Variants in SLC7A4 observed in about 807,000 individuals in gnomAD.
SLC7A4 encodes the protein solute carrier family 7 member 4, also known as cationic amino acid transporter 4.
In SLC7A4, 30 loss-of-function variants were observed where a neutral mutation model predicts 37.8. The observed-to-expected ratio is 0.79, with a 90% CI of 0.59 to 1.08. The LOEUF (loss-of-function observed/expected upper bound fraction) is 1.08, where lower values mean the gene tolerates loss of function less well. Ranked by LOEUF, SLC7A4 falls within the 50% of genes least tolerant of loss-of-function variation. SLC7A4 has a pLI of 0.00. For synonymous variants in SLC7A4, 359 were observed against 376.5 expected, an observed-to-expected ratio of 0.95 and a Z score of 0.54; for missense variants, 839 against 843.2, an observed-to-expected ratio of 1.00 and a Z score of 0.06.
rs1236583082 is a variant in SLC7A4 at position 21,031,463 on chromosome 22, A to C, written c.350T>G (p.Leu117Arg). 1 of 1,603,836 alleles carries C rather than the reference A, an allele frequency of 6.2e-7. No homozygotes were observed. The highest frequency in any genetic ancestry group is 1.1e-5 in the South Asian group (1 of 89,328). The stretch of plus-strand genomic sequence containing the variant: ...TTCGAGGAGAACATTCCAGCCGATG[A>C]GGAAGGCCCACAGCTCGCCCATGGA... ...YVSMGELWAF[L>R]IGWNVLLEYI... The change falls in exon 2 of 5, where the codon CTC becomes CGC. Residue 117 changes from leucine to arginine, a missense_variant. Physicochemically the swap from Leu to Arg is moderately radical, Grantham distance 102 (BLOSUM62 -2). Transcript: ENST00000382932.
Position 21,031,296 on chromosome 22 carries a change from C to G in SLC7A4, c.517G>C (p.Ala173Pro). 6.2e-7 allele frequency: 1 copy of G among 1,609,914 alleles called. No homozygotes were observed. Among genetic ancestry groups the G allele is most frequent in the Non-Finnish European group, 8.5e-7 (1 of 1,178,066 alleles). Residue 173 changes from alanine (A) to proline (P), a missense_variant, in exon 2 of 5, where the codon GCT (alanine) becomes CCT (proline). Ala to Pro is a conservative substitution (Grantham distance 27). Transcript: ENST00000382932. The part of the protein sequence containing the change: ...PLLGHYPDFL[A>P]AGIILLASAF... ...GAGGCCAGGAGGATGATGCCAGCAG[C>G]CAGGAAGTCCGGGTAGTGGCCCAGG... is the stretch of plus-strand genomic sequence containing the variant.
chr22:21,029,590 T>C, intron 3 of SLC7A4, 121 bp downstream of exon 3: 2 of 1,171,222 alleles, frequency 1.7e-6, no homozygotes, highest in South Asian at 1.4e-5. Context: ...CAGAAAGGGG[T>C]GCGGGATGGG....
Position 21,030,134 on chromosome 22 carries a change from C to A in SLC7A4, c.1200G>T (p.Leu400=), listed in dbSNP as rs1252069386. 6.2e-7 allele frequency: 1 copy of A among 1,613,796 alleles called. No homozygotes were observed. Among genetic ancestry groups the A allele is most frequent in the Admixed American group, 1.7e-5 (1 of 59,966 alleles). ...TACTGGTGGCCACGAATGTGTAGGC[C>A]AGGAGTGTGCCAAGGGACAGGAACT... The part of the protein sequence containing the change: ...LVQFLSLGTL[L]AYTFVATSII... The change falls in exon 3 of 5, where the codon CTG becomes CTT. Residue 400 remains leucine, a synonymous_variant. Coordinates refer to ENST00000382932, the MANE Select transcript of SLC7A4 (RefSeq NM_004173.3).
intron 2 of SLC7A4, 39 bp downstream of exon 2, chr22:21,030,792 C>T (rs1464081565): frequency 1.3e-6 from 2 of 1,525,460 alleles, no homozygotes; most frequent in Non-Finnish European, 1.8e-6. Flanking sequence ...GTCCCCCTTG[C>T]TCTTTTCCCT....
rs1241250001 is a variant in SLC7A4, at chr22:21,029,874, G to A, written c.1460C>T (p.Ala487Val). ...CACGCAGCCTATGGTGATGGCTGAGGCCAACATAACGCCAAGCGCCCAAGT... is the reference window on the plus strand; with the variant it reads ...CACGCAGCCTATGGTGATGGCTGAGACCAACATAACGCCAAGCGCCCAAGT... ...VVTWALGVML[A>V]SAITIGCVLV... The change falls in exon 3 of 5, where the codon GCC (alanine) becomes GTC (valine). Residue 487 changes from alanine to valine, a missense_variant. Coordinates refer to ENST00000382932, the MANE Select transcript of SLC7A4 (RefSeq NM_004173.3). 1 of 1,613,820 alleles carries A rather than the reference G, an allele frequency of 6.2e-7. No homozygotes were observed. The highest frequency in any genetic ancestry group is 8.5e-7 in the Non-Finnish European group (1 of 1,179,998).
chr22:21,031,438 T>G lies in SLC7A4; in HGVS notation c.375A>C (p.Glu125Asp). The part of the protein sequence containing the change: ...AFLIGWNVLL[E>D]YIIGGAAVAR... ...CCACGGCGGCGCCACCGATGATGTA[T>G]TCGAGGAGAACATTCCAGCCGATGA... Residue 125 changes from glutamate to aspartate, a missense_variant, in exon 2 of 5, where the codon GAA (glutamate) becomes GAC (aspartate). Coordinates refer to ENST00000382932, the MANE Select transcript of SLC7A4 (RefSeq NM_004173.3). 1 of 1,601,472 alleles carries G rather than the reference T, an allele frequency of 6.2e-7. No homozygotes were observed. Among genetic ancestry groups the G allele is most frequent in the Non-Finnish European group, 8.5e-7 (1 of 1,174,020 alleles).
In SLC7A4 at chr22:21,031,707, A is replaced by G. The variant is rs752410337; in HGVS notation, c.106T>C (p.Cys36Arg). The change falls in exon 2 of 5, where the codon TGC (cysteine) becomes CGC (arginine). Residue 36 changes from cysteine to arginine, a missense_variant. Coordinates refer to ENST00000382932, the MANE Select transcript of SLC7A4 (RefSeq NM_004173.3). ...AGAGTCAGGTCCAGCGTGGACAGGC[A>G]GCGCCGCAGTGACGTCTCCATGGTG... ...DSTMETSLRR[C>R]LSTLDLTLLG... The G allele has an allele frequency of 5.0e-6, 8 of 1,612,960 alleles. No homozygotes were observed. In the Admixed American group the frequency reaches 1.2e-4, roughly 24 times the overall value.
intron 1 of SLC7A4, 82 bp from the exon 2 acceptor site, chr22:21,031,934 GT>G: frequency 1.0e-6 from 1 of 987,020 alleles, no homozygotes; most frequent in South Asian, 3.5e-5. Context: ...ACCACCCCCA[GT>G]CCTCTCTCTG....
chr22:21,030,818 A>T lies in SLC7A4; in HGVS notation c.982+13T>A. Reference sequence around the variant, plus strand: ...TCTTTTCCCTGCCACCCTGCCCAGGAAGAGTCTCTCACCGCAGATGGAGCC... The same window carrying T: ...TCTTTTCCCTGCCACCCTGCCCAGGTAGAGTCTCTCACCGCAGATGGAGCC... On this transcript the variant is annotated intron_variant, in intron 2 of 4. Coordinates refer to ENST00000382932, the MANE Select transcript of SLC7A4 (RefSeq NM_004173.3). The T allele has an allele frequency of 6.4e-7, 1 of 1,553,730 alleles. No homozygotes were observed. Among genetic ancestry groups the T allele is most frequent in the Non-Finnish European group, 8.7e-7 (1 of 1,150,962 alleles).
chr22:21,031,354 A>G lies in SLC7A4; in HGVS notation c.459T>C (p.Thr153=), dbSNP rs146868033. The change falls in exon 2 of 5, where the codon ACT becomes ACC. Residue 153 remains threonine (T), a synonymous_variant. Transcript: ENST00000382932. ...SMFSHSIRNF[T]ETHVGSWQVP... ...CCTGCCAAGAACCCACGTGGGTCTC[A>G]GTGAAGTTGCGGATGCTGTGGCTGA... 1 of 1,611,574 alleles carries G rather than the reference A, an allele frequency of 6.2e-7. No individual in the cohort carries two copies. The highest frequency in any genetic ancestry group is 8.5e-7 in the Non-Finnish European group (1 of 1,179,164).
Position 21,029,953 on chromosome 22 carries a change from C to CTACT in SLC7A4, c.1380_1381insAGTA (p.Ala461SerfsTer105). ...AAGAAGCCCAGGTAGGGCCTCAGGG[C>CTACT]TGGCTTCAGCTCCCCTGGCTCAGGG... is the stretch of plus-strand genomic sequence containing the variant. On this transcript the variant is annotated frameshift_variant, in exon 3 of 5. Coordinates refer to ENST00000382932, the MANE Select transcript of SLC7A4 (RefSeq NM_004173.3). LOFTEE classifies it high-confidence loss of function. 1 of 1,613,918 alleles carries CTACT rather than the reference C, an allele frequency of 6.2e-7. No homozygotes were observed. Among genetic ancestry groups the CTACT allele is most frequent in the Non-Finnish European group, 8.5e-7 (1 of 1,180,006 alleles).
Position 21,031,339 on chromosome 22 carries a change from AC to A in SLC7A4, c.473del (p.Gly158ValfsTer133), listed in dbSNP as rs763753565. On this transcript the variant is annotated frameshift_variant, in exon 2 of 5. Transcript: ENST00000382932. LOFTEE classifies it high-confidence loss of function. Reference sequence around the variant, plus strand: ...GGCCCAGGAGGGGCACCTGCCAAGAACCCACGTGGGTCTCAGTGAAGTTGCG... The same window carrying A: ...GGCCCAGGAGGGGCACCTGCCAAGAACCACGTGGGTCTCAGTGAAGTTGCG... ...SIRNFTETHV[G>X]SWQVPLLGHY... 3 of 1,610,732 alleles carry A rather than the reference AC, an allele frequency of 1.9e-6. No individual in the cohort carries two copies. The highest frequency in any genetic ancestry group is 3.3e-5 in the Admixed American group (2 of 59,830).
chr22:21,029,213 C>T lies in SLC7A4; in HGVS notation c.1750G>A (p.Gly584Ser), dbSNP rs1211587445. The T allele has an allele frequency of 4.3e-6, 7 of 1,613,666 alleles. No homozygotes were observed. The highest frequency in any genetic ancestry group is 4.5e-5 in the East Asian group (2 of 44,888). Residue 584 changes from glycine to serine, a missense_variant, in exon 5 of 5, where the codon GGC (glycine) becomes AGC (serine). Coordinates refer to ENST00000382932, the MANE Select transcript of SLC7A4 (RefSeq NM_004173.3). ...WLLMGLAVYF[G>S]YGIRHSKENQ... ...TCCTTGCTATGCCGGATGCCATAGC[C>T]GAAATACACTGCAAGTCCTAGACAG...
At position 21,031,734 on chromosome 22, in the gene SLC7A4, A is replaced by AC. The variant is rs769210948; in HGVS notation, c.78_79insG (p.Ser27ValfsTer128). 20 of 1,605,598 alleles carry AC rather than the reference A, an allele frequency of 1.2e-5. No individual in the cohort carries two copies. The East Asian group carries it at 4.3e-4, about 34-fold the overall frequency. On this transcript the variant is annotated frameshift_variant, in exon 2 of 5. Coordinates refer to ENST00000382932, the MANE Select transcript of SLC7A4 (RefSeq NM_004173.3). LOFTEE classifies it high-confidence loss of function. ...CGCCGCAGTGACGTCTCCATGGTGG[A>AC]GTCCTCCAGCGGCTTCAGGCGGTTC...
chr22:21,028,914 G>T lies in SLC7A4; in HGVS notation c.*141C>A. ...ACCCGAAGCCCAGCCCCTGGATGAA[G>T]GTCCTAAGGTCCTGAGGACTCCCCA... is the stretch of plus-strand genomic sequence containing the variant. On this transcript the variant is annotated 3_prime_UTR_variant, in exon 5 of 5. Coordinates refer to ENST00000382932, the MANE Select transcript of SLC7A4 (RefSeq NM_004173.3). The T allele has an allele frequency of 1.3e-6, 1 of 791,068 alleles. No individual in the cohort carries two copies. The highest frequency in any genetic ancestry group is 1.9e-6 in the Non-Finnish European group (1 of 516,992). The allele number at this position is 791,068 out of a possible 1,614,324, so 49.0% of individuals were successfully genotyped here. A position where few individuals can be genotyped will look rare whatever the true frequency, so the allele number is the denominator to read the frequency against.
chr22:21,029,142 T>C lies in SLC7A4; in HGVS notation c.1821A>G (p.Val607=). 6.2e-7 allele frequency: 1 copy of C among 1,613,952 alleles called. No homozygotes were observed. Among genetic ancestry groups the C allele is most frequent in the Non-Finnish European group, 8.5e-7 (1 of 1,179,990 alleles). The change falls in exon 5 of 5, where the codon GTA becomes GTG. Residue 607 remains valine (V), a synonymous_variant. Transcript: ENST00000382932. The part of the protein sequence containing the change: ...LPGLNSTHYV[V]FPRGSLEETV... ...TCTCCTCCAGGCTGCCCCTGGGGAA[T>C]ACCACGTAGTGTGTGGAGTTCAGCC...
Position 21,031,022 on chromosome 22 carries a change from G to T in SLC7A4, c.791C>A (p.Pro264Gln). The T allele has an allele frequency of 6.2e-7, 1 of 1,614,130 alleles. No homozygotes were observed. The highest frequency in any genetic ancestry group is 8.5e-7 in the Non-Finnish European group (1 of 1,180,014). Residue 264 changes from proline (P) to glutamine (Q), a missense_variant, in exon 2 of 5, where the codon CCA becomes CAA. By Grantham distance (76) the Pro-to-Gln change is moderately conservative. Coordinates refer to ENST00000382932, the MANE Select transcript of SLC7A4 (RefSeq NM_004173.3). ...GATGGCCAGAGGCACAGACCGCCGT[G>T]GGTTCTGGGCCTCCTCACTGGAGGC... is the stretch of plus-strand genomic sequence containing the variant. Reference protein sequence around the residue: ...IAASSEEAQNPRRSVPLAIAI... With the variant: ...IAASSEEAQNQRRSVPLAIAI...
chr22:21,030,778 C>A, intron 2 of SLC7A4, 53 bp downstream of exon 2: 1 of 1,509,508 alleles, frequency 6.6e-7, no homozygotes, highest in Non-Finnish European at 8.8e-7. Context: ...AATCTGAGGA[C>A]AAGGTCCCCC....
Position 21,029,372 on chromosome 22 carries a change from G to A in SLC7A4, c.1696C>T (p.Leu566=), listed in dbSNP as rs45618435. The A allele has an allele frequency of 1.6e-3, 2,507 of 1,613,858 alleles. 8 individuals carry two copies. Among genetic ancestry groups the A allele is most frequent in the Admixed American group, 1.6e-3 (95 of 60,032 alleles). The change falls in exon 4 of 5, where the codon CTG becomes TTG. Residue 566 remains leucine (L), a synonymous_variant. Transcript: ENST00000382932. ...NICLMLKLSY[L]TWVRFSIWLL... is the part of the protein sequence containing the mutation. ...CAGATGGAGAAGCGCACCCAGGTCA[G>A]ATAGCTAAGTTTCAGCATGAGGCAG... is the stretch of plus-strand genomic sequence containing the variant.
Sources: allele counts gnomAD v4.1 joint callset, GRCh38; gene constraint gnomAD v4.1.1; transcripts MANE v1.5; gene names NCBI Gene and HGNC (gene_info 2026-07-23, HGNC 2026-07-21).